FBXL17: variants seen among roughly 807,000 people sequenced by gnomAD.
FBXL17 encodes the protein F-box and leucine rich repeat protein 17.
In FBXL17, 22 loss-of-function variants were observed where a neutral mutation model predicts 66.2. The ratio of observed to expected loss-of-function variants is 0.33; its 90% confidence interval spans 0.24 to 0.47. FBXL17 has a LOEUF of 0.47. Among genes scored for constraint, FBXL17 ranks in the 20% least tolerant of loss-of-function variants. FBXL17 has a pLI of 1.00. For missense variants in FBXL17, 878 were observed against 948.2 expected (o/e 0.93, Z 0.97); for synonymous variants, 474 against 400.5 (o/e 1.18, Z -2.19).
intron 6 of FBXL17, among the ~76,000 whole-genome samples, chr5:108,181,860 T>C (rs959118392): frequency 2.0e-5 from 3 of 152,166 alleles, no homozygotes; most frequent in Non-Finnish European, 4.4e-5. Flanking sequence ...AATTGACTGA[T>C]TAGCCATTCA....
chr5:108,284,313 T>G (rs1050959766), intron 4 of FBXL17, among the ~76,000 whole-genome samples: 1 of 151,880 alleles, frequency 6.6e-6, no homozygotes, highest in Non-Finnish European at 1.5e-5. Flanking sequence ...TCAACCTAAG[T>G]GTCCATCAAC....
At chr5:108,129,986 C>T (rs1750868704) in intron 6 of FBXL17, among the ~76,000 whole-genome samples, 1 of 151,498 alleles carries the variant, frequency 6.6e-6, no homozygotes, top group Non-Finnish European at 1.5e-5. Context: ...TCTCTATAAA[C>T]AATTACATTT....
At chr5:107,948,345 T>C (rs1266007239) in intron 7 of FBXL17, among the ~76,000 whole-genome samples, 3 of 152,216 alleles carry the variant, frequency 2.0e-5, no homozygotes, top group Non-Finnish European at 2.9e-5. Flanking sequence ...TTCAGCATCG[T>C]GTGACTGAAA....
chr5:108,350,360 A>T (rs540453902), intron 3 of FBXL17, among the ~76,000 whole-genome samples: 1 of 152,202 alleles, frequency 6.6e-6, no homozygotes, highest in Non-Finnish European at 1.5e-5. Context: ...GGTATACCAC[A>T]GATAGCTGAG....
rs543278828 is a variant in FBXL17, at chr5:108,331,423, C to T, written c.1506+16976G>A. Among the ~76,000 whole-genome samples the T allele has an allele frequency of 2.0e-5, 3 of 152,284 alleles. No individual in the cohort carries two copies. In the South Asian group the frequency reaches 6.2e-4, roughly 32 times the overall value. On this transcript the variant is annotated intron_variant, in intron 4 of 8. Coordinates refer to ENST00000542267, the MANE Select transcript of FBXL17 (RefSeq NM_001163315.3). ...TACGAGATAAATACTAAGCTATTGA[C>T]CAATTAACTAAGCTGTTACAGAAAA...
chr5:108,166,001 G>A (rs559965783), intron 6 of FBXL17, among the ~76,000 whole-genome samples: 68 of 152,220 alleles, frequency 4.5e-4, no homozygotes, highest in African/African-American at 1.6e-3. Flanking sequence ...AGAAACCCAC[G>A]TGAGACACCT....
At chr5:108,149,629 C>T (rs72791205) in intron 6 of FBXL17, among the ~76,000 whole-genome samples, 1,981 of 152,274 alleles carry the variant, frequency 0.013, 26 homozygotes, top group Non-Finnish European at 0.02. Context: ...GCCTCTTCTG[C>T]TATCTTAACC....
At chr5:107,971,168 T>C (rs1451582287) in intron 7 of FBXL17, among the ~76,000 whole-genome samples, 2 of 152,150 alleles carry the variant, frequency 1.3e-5, no homozygotes, top group Non-Finnish European at 2.9e-5. Context: ...CAGTTCAACA[T>C]GGAAAACTTC....
chr5:107,988,774 T>C (rs910862875), intron 7 of FBXL17, among the ~76,000 whole-genome samples: 6 of 152,068 alleles, frequency 3.9e-5, no homozygotes, highest in African/African-American at 1.4e-4. Context: ...AAGAGCATGA[T>C]GATCTGATGT....
intron 6 of FBXL17, among the ~76,000 whole-genome samples, chr5:108,117,473 T>G (rs1473734895): frequency 6.6e-6 from 1 of 152,190 alleles, no homozygotes; most frequent in African/African-American, 2.4e-5. Flanking sequence ...ATAAGATTTA[T>G]AAATTGAGCT....
chr5:107,895,925 C>G lies in FBXL17; in HGVS notation c.1823-14746G>C, dbSNP rs1490581847. ...AATTCTGGCACTTTCTCTCTGTCATCCTCTTTTGCCCCCTTCACTTCTGGC... is the reference window on the plus strand; with the variant it reads ...AATTCTGGCACTTTCTCTCTGTCATGCTCTTTTGCCCCCTTCACTTCTGGC... On this transcript the variant is annotated intron_variant, in intron 7 of 8. Transcript: ENST00000542267. Among the ~76,000 whole-genome samples, 3 of 152,156 alleles carry G rather than the reference C, an allele frequency of 2.0e-5. No individual in the cohort carries two copies. In the South Asian group the frequency reaches 6.2e-4, roughly 32 times the overall value.
intron 5 of FBXL17, among the ~76,000 whole-genome samples, chr5:108,186,532 G>A (rs1334318546): frequency 2.0e-5 from 3 of 152,142 alleles, no homozygotes; most frequent in Non-Finnish European, 4.4e-5. Context: ...AGCACTTTGG[G>A]AAGCTGAGGC....
At chr5:108,345,510 C>A (rs1470049751) in intron 4 of FBXL17, among the ~76,000 whole-genome samples, 1 of 150,550 alleles carries the variant, frequency 6.6e-6, no homozygotes. Context: ...AAACTAGTGC[C>A]ACAAATAAAA....
chr5:107,902,013 T>A (rs1465113876), intron 7 of FBXL17, among the ~76,000 whole-genome samples: 1 of 152,176 alleles, frequency 6.6e-6, no homozygotes, highest in Non-Finnish European at 1.5e-5. Flanking sequence ...GTGAATTACC[T>A]GATATTTAAC....
At chr5:107,995,769 A>G (rs967644708) in intron 7 of FBXL17, among the ~76,000 whole-genome samples, 2 of 152,324 alleles carry the variant, frequency 1.3e-5, no homozygotes, top group Non-Finnish European at 2.9e-5. Flanking sequence ...GTATTAAATC[A>G]ATAAGCATTT....
chr5:107,919,216 C>A (rs987661834), intron 7 of FBXL17, among the ~76,000 whole-genome samples: 88 of 152,310 alleles, frequency 5.8e-4, no homozygotes, highest in South Asian at 2.1e-4. Context: ...GATGACAACA[C>A]TGGCATCATC....
At chr5:108,059,544 G>A (rs997039472) in intron 6 of FBXL17, among the ~76,000 whole-genome samples, 1 of 152,152 alleles carries the variant, frequency 6.6e-6, no homozygotes, top group Non-Finnish European at 1.5e-5. Flanking sequence ...TCTAGTCCAG[G>A]GCCACCAGGT....
chr5:108,202,535 G>T (rs992536860), intron 5 of FBXL17, among the ~76,000 whole-genome samples: 2 of 152,092 alleles, frequency 1.3e-5, no homozygotes, highest in African/African-American at 4.8e-5. Context: ...TTAGCCAAGG[G>T]AGATGCAATC....
At chr5:108,248,992 A>G (rs984217652) in intron 4 of FBXL17, among the ~76,000 whole-genome samples, 21 of 152,172 alleles carry the variant, frequency 1.4e-4, no homozygotes, top group African/African-American at 5.1e-4. Flanking sequence ...CATCAGGAAG[A>G]AAGAGCAACA....
Sources: gnomAD v4.1 joint callset for allele counts (sites outside exome capture counted in the v4.1 genomes callset) on GRCh38, gnomAD v4.1.1 for gene constraint, MANE v1.5 for transcripts, NCBI Gene and HGNC (gene_info 2026-07-23, HGNC 2026-07-21) for gene names.